Variants in FEZ1 observed in about 807,000 individuals in gnomAD.
FEZ1 encodes fasciculation and elongation protein zeta 1.
A neutral mutation model predicts 49.3 loss-of-function variants in FEZ1; 20 were observed. The observed-to-expected ratio is 0.41, with a 90% CI of 0.29 to 0.59. The LOEUF (loss-of-function observed/expected upper bound fraction) is 0.59, where lower values mean the gene tolerates loss of function less well. Among genes scored for constraint, FEZ1 ranks in the 20% least tolerant of loss-of-function variants. The probability of loss-of-function intolerance (pLI) is 0.36; values close to 1 mark genes in which losing one functional copy is unlikely to be tolerated. For synonymous variants in FEZ1, 170 were observed against 180.9 expected (o/e 0.94, Z 0.48); for missense variants, 413 against 476.0 (o/e 0.87, Z 1.23).
chr11:125,493,436 A>AAGAG (rs1565307035), intron 1 of FEZ1, among the ~76,000 whole-genome samples: 10 of 40,570 alleles, frequency 2.5e-4, no homozygotes, highest in African/African-American at 2.1e-3. Context: ...GAAAGAAGGA[A>AAGAG]AGAAGGAAAG....
intron 3 of FEZ1, among the ~76,000 whole-genome samples, chr11:125,471,295 T>A (rs1224324934): frequency 6.6e-6 from 1 of 151,852 alleles, no homozygotes; most frequent in African/African-American, 2.4e-5. Flanking sequence ...ACTATGCAAA[T>A]AAACTAAACA....
chr11:125,443,114 T>A lies in FEZ1; in HGVS notation c.*2981A>T, dbSNP rs1184108126. Among the ~76,000 whole-genome samples, 3 of 152,094 alleles carry A rather than the reference T, an allele frequency of 2.0e-5. No homozygotes were observed. The highest frequency in any genetic ancestry group is 7.2e-5 in the African/African-American group (3 of 41,404). ...TTTAATTGATGGAAACATACCTCAT[T>A]TATAGGCTGTATTTGCCAGACAGAC... On this transcript the variant is annotated 3_prime_UTR_variant, in exon 10 of 10. Transcript: ENST00000278919.
chr11:125,473,839 A>C (rs945184375), intron 3 of FEZ1, among the ~76,000 whole-genome samples: 8 of 151,598 alleles, frequency 5.3e-5, no homozygotes, highest in African/African-American at 1.9e-4. Context: ...AAAAAAACAG[A>C]AAGAAACTGA....
At chr11:125,446,541 T>A (rs1028997573) in intron 9 of FEZ1, among the ~76,000 whole-genome samples, 3 of 152,236 alleles carry the variant, frequency 2.0e-5, no homozygotes, top group African/African-American at 7.2e-5. Flanking sequence ...ACCAAATTTA[T>A]ATAACCTGTT....
intron 2 of FEZ1, among the ~76,000 whole-genome samples, chr11:125,486,486 C>T (rs908218586): frequency 1.3e-5 from 2 of 152,224 alleles, no homozygotes; most frequent in African/African-American, 4.8e-5. Flanking sequence ...CCTAGAACTT[C>T]CATGCCCTGA....
chr11:125,457,500 G>GTA (rs1227847416), intron 5 of FEZ1, among the ~76,000 whole-genome samples: 3 of 108,038 alleles, frequency 2.8e-5, no homozygotes, highest in Non-Finnish European at 5.5e-5. Flanking sequence ...GTGTATATAT[G>GTA]TATATATATA....
At chr11:125,481,885 T>C in intron 2 of FEZ1, 1 of 507,752 alleles carries the variant, frequency 2.0e-6, no homozygotes, top group Non-Finnish European at 3.5e-6. Flanking sequence ...TTTCCTACCA[T>C]TGAGATACAA....
At chr11:125,487,601 T>C (rs2849221) in intron 2 of FEZ1, among the ~76,000 whole-genome samples, 16,730 of 152,174 alleles carry the variant, frequency 0.11, 1,186 homozygotes, top group Non-Finnish European at 0.16. Context: ...TTTAAACACA[T>C]AGCCCACAGC....
chr11:125,484,009 CTCTT>C (rs1957306437), intron 2 of FEZ1, among the ~76,000 whole-genome samples: 1 of 152,228 alleles, frequency 6.6e-6, no homozygotes, highest in Non-Finnish European at 1.5e-5. Flanking sequence ...CATCCTCATT[CTCTT>C]TCACATTTTG....
At chr11:125,454,835 G>A (rs1409790988) in intron 6 of FEZ1, among the ~76,000 whole-genome samples, 1 of 151,788 alleles carries the variant, frequency 6.6e-6, no homozygotes, top group Non-Finnish European at 1.5e-5. Context: ...CCAACATGGT[G>A]AAACTCCGTC....
chr11:125,491,709 C>T (rs1171398412), intron 1 of FEZ1, among the ~76,000 whole-genome samples: 1 of 152,162 alleles, frequency 6.6e-6, no homozygotes, highest in Admixed American at 6.5e-5. Context: ...ATAAGCAAGG[C>T]AAAGGACATG....
chr11:125,491,825 G>A (rs113286663), intron 1 of FEZ1, among the ~76,000 whole-genome samples: 31 of 152,340 alleles, frequency 2.0e-4, no homozygotes, highest in African/African-American at 7.5e-4. Flanking sequence ...AAGGCAACAT[G>A]ATAGGACCTT....
intron 2 of FEZ1, among the ~76,000 whole-genome samples, chr11:125,487,335 T>C (rs1957333856): frequency 6.6e-6 from 1 of 152,176 alleles, no homozygotes; most frequent in South Asian, 2.1e-4. Flanking sequence ...TTCATCAAGA[T>C]TGAGCTCTGG....
At chr11:125,490,537 C>T (rs1386125278) in intron 1 of FEZ1, among the ~76,000 whole-genome samples, 1 of 152,088 alleles carries the variant, frequency 6.6e-6, no homozygotes, top group Non-Finnish European at 1.5e-5. Flanking sequence ...CTAGATATTA[C>T]TACCCTTATC....
intron 5 of FEZ1, among the ~76,000 whole-genome samples, chr11:125,458,112 C>T (rs765755010): frequency 7.2e-5 from 11 of 152,164 alleles, no homozygotes; most frequent in Non-Finnish European, 1.0e-4. Context: ...GACTCTCTGC[C>T]GGCCACCTCC....
intron 3 of FEZ1, among the ~76,000 whole-genome samples, chr11:125,481,316 T>A (rs1957277243): frequency 6.6e-6 from 1 of 152,134 alleles, no homozygotes; most frequent in Non-Finnish European, 1.5e-5. Flanking sequence ...CCTGGCTAAT[T>A]TTTTGTATTT....
Position 125,455,909 on chromosome 11 carries a change from T to C in FEZ1, c.865A>G (p.Lys289Glu). 6.2e-7 allele frequency: 1 copy of C among 1,613,620 alleles called. No homozygotes were observed. The highest frequency in any genetic ancestry group is 8.5e-7 in the Non-Finnish European group (1 of 1,179,944). Residue 289 changes from lysine to glutamate, a missense_variant, in exon 6 of 10, where the codon AAA becomes GAA. Coordinates refer to ENST00000278919, the MANE Select transcript of FEZ1 (RefSeq NM_005103.5). Reference sequence around the variant, plus strand: ...AGCCCTTTCTCTTTCCGCCTCTTTTTCATCAGTTCTCGCTGCTCCTTCTGC... The same window carrying C: ...AGCCCTTTCTCTTTCCGCCTCTTTTCCATCAGTTCTCGCTGCTCCTTCTGC... ...NKQKEQRELM[K>E]KRRKEKGLSL...
intron 5 of FEZ1, among the ~76,000 whole-genome samples, chr11:125,458,840 A>G (rs1957044136): frequency 1.3e-5 from 2 of 152,254 alleles, no homozygotes; most frequent in South Asian, 4.1e-4. Flanking sequence ...AGGCCGAGGC[A>G]GTCGGATCAC....
chr11:125,450,827 A>C (rs1956947815), intron 8 of FEZ1, among the ~76,000 whole-genome samples: 1 of 152,236 alleles, frequency 6.6e-6, no homozygotes, highest in African/African-American at 2.4e-5. Context: ...ACAAAATATT[A>C]AGTCTGAAAA....
Sources: allele counts gnomAD v4.1 joint callset (sites outside exome capture counted in the v4.1 genomes callset), GRCh38; gene constraint gnomAD v4.1.1; transcripts MANE v1.5; gene names NCBI Gene and HGNC (gene_info 2026-07-23, HGNC 2026-07-21).